The following P2RX1 variants were observed in gnomAD, a reference collection of about 807,000 sequenced individuals.
P2RX1 encodes the protein purinergic receptor P2X 1, also known as P2X purinoceptor 1.
Under a neutral mutation model 50.3 loss-of-function variants are expected in P2RX1, and 42 were observed. The ratio of observed to expected loss-of-function variants is 0.83; its 90% CI spans 0.65 to 1.08. The LOEUF (loss-of-function observed/expected upper bound fraction) is 1.08. Among genes scored for constraint, P2RX1 ranks in the 50% least tolerant of loss-of-function variants. The pLI is 0.00. For missense variants in P2RX1, 449 were observed against 529.0 expected (o/e 0.85, Z 1.48); for synonymous variants, 199 against 202.6 (o/e 0.98, Z 0.15).
At position 3,903,502 on chromosome 17, in the gene P2RX1, G is replaced by C; in HGVS notation, c.605+49C>G. On this transcript the variant is annotated intron_variant, in intron 6 of 11. Coordinates refer to ENST00000225538, the MANE Select transcript of P2RX1 (RefSeq NM_002558.4). The surrounding 1 kb of genome is among the most constrained non-coding windows in gnomAD (Gnocchi z 4.6). ...AGACAGAGACAGCTGAGAGCTGCCG[G>C]AGCGGCCCCGGCCAGCTGCCTGCAT... 1.3e-6 allele frequency: 2 copies of C among 1,598,888 alleles called. No homozygotes were observed. The highest frequency in any genetic ancestry group is 1.7e-6 in the Non-Finnish European group (2 of 1,166,882).
intron 1 of P2RX1, among the ~76,000 whole-genome samples, chr17:3,912,669 A>G (rs1437618203): frequency 1.3e-5 from 2 of 152,118 alleles, no homozygotes; most frequent in Admixed American, 1.3e-4. Flanking sequence ...GACTTTTCTC[A>G]CAGGAACCAA....
Position 3,899,669 on chromosome 17 carries a change from G to A in P2RX1, c.840C>T (p.Tyr280=), listed in dbSNP as rs144076351. Residue 280 remains tyrosine, a synonymous_variant, in exon 8 of 12, where the codon TAC becomes TAT. Transcript: ENST00000225538. ...CRPIYEFHGL[Y]EEKNLSPGFN... ...AGCCTGGGGAGAGATTTTTCTCTTC[G>A]TACAGCCCATGGAACTCATAGATGG... The A allele has an allele frequency of 1.7e-5, 27 of 1,613,680 alleles. No homozygotes were observed. Among genetic ancestry groups the A allele is most frequent in the East Asian group, 2.2e-5 (1 of 44,882 alleles).
chr17:3,902,009 A>G (rs1180348352), intron 7 of P2RX1, among the ~76,000 whole-genome samples: 1 of 152,228 alleles, frequency 6.6e-6, no homozygotes, highest in Non-Finnish European at 1.5e-5. Flanking sequence ...GAACCCGGTC[A>G]GCTAGTTCTG....
rs776151732 is a variant in P2RX1 at position 3,903,610 on chromosome 17, G to A, written c.546C>T (p.Ala182=). 3.9e-5 allele frequency: 63 copies of A among 1,614,020 alleles called. No individual in the cohort carries two copies. Among genetic ancestry groups the A allele is most frequent in the Admixed American group, 3.7e-4 (22 of 60,006 alleles). The part of the protein sequence containing the change: ...DIPRPALLRE[A]ENFTLFIKNS... ...TCTTGATGAAAAGAGTGAAGTTCTCGGCCTCTCGGAGAAGGGCAGGGCTGG... is the reference window on the plus strand; with the variant it reads ...TCTTGATGAAAAGAGTGAAGTTCTCAGCCTCTCGGAGAAGGGCAGGGCTGG... Residue 182 remains alanine (A), a synonymous_variant, in exon 6 of 12, where the codon GCC becomes GCT. Transcript: ENST00000225538. This position sits in a 1 kb window ranked among gnomAD's most constrained non-coding sequence, Gnocchi z 4.6.
chr17:3,899,764 G>A lies in P2RX1; in HGVS notation c.748-3C>T. ...ATGGTGATGCCAACCACTCCACCCTGCCAGGGACACAAGTAGTTAAGATCT... is the reference window on the plus strand; with the variant it reads ...ATGGTGATGCCAACCACTCCACCCTACCAGGGACACAAGTAGTTAAGATCT... On this transcript the variant is annotated splice_polypyrimidine_tract_variant and splice_region_variant and intron_variant, in intron 7 of 11. Coordinates refer to ENST00000225538, the MANE Select transcript of P2RX1 (RefSeq NM_002558.4). 5.6e-6 allele frequency: 9 copies of A among 1,613,238 alleles called. No homozygotes were observed. The highest frequency in any genetic ancestry group is 1.1e-5 in the South Asian group (1 of 91,062).
chr17:3,906,420 C>T (rs552480512), intron 1 of P2RX1, among the ~76,000 whole-genome samples: 15 of 152,322 alleles, frequency 9.8e-5, no homozygotes, highest in Non-Finnish European at 1.6e-4. Context: ...CATGAGCCAC[C>T]GCACCCGGCC....
intron 1 of P2RX1, among the ~76,000 whole-genome samples, chr17:3,913,437 C>G (rs1367270010): frequency 6.6e-6 from 1 of 152,158 alleles, no homozygotes; most frequent in Non-Finnish European, 1.5e-5. Context: ...TTAACTGAGA[C>G]CATCTTAACT....
At position 3,903,874 on chromosome 17, in the gene P2RX1, C is replaced by G; in HGVS notation, c.524+54G>C. ...AAGATCCTTTCTAGACCTAGGCCCC[C>G]CTCTGTCTGGCCTGGGACCCTGTTC... On this transcript the variant is annotated intron_variant, in intron 5 of 11. Coordinates refer to ENST00000225538, the MANE Select transcript of P2RX1 (RefSeq NM_002558.4). This position sits in a 1 kb window ranked among gnomAD's most constrained non-coding sequence, Gnocchi z 4.6. The G allele has an allele frequency of 4.2e-6, 6 of 1,427,640 alleles. No individual in the cohort carries two copies. Among genetic ancestry groups the G allele is most frequent in the South Asian group, 2.3e-5 (2 of 87,262 alleles). 88.4% of individuals were successfully genotyped at this position (1,427,640 alleles called of 1,614,324 possible). A position where few individuals can be genotyped will look rare whatever the true frequency, so the allele number is the denominator to read the frequency against.
In P2RX1 at chr17:3,898,995, G is replaced by T; in HGVS notation, c.905C>A (p.Thr302Asn). The change falls in exon 9 of 12, where the codon ACC becomes AAC. Residue 302 changes from threonine (T) to asparagine (N), a missense_variant. By Grantham distance (65) the Thr-to-Asn change is moderately conservative. Coordinates refer to ENST00000225538, the MANE Select transcript of P2RX1 (RefSeq NM_002558.4). ...CACCTTGAAGAGGTGACGGTAGTTG[G>T]TCCCGTTCTCCACAAAGTGCCTGGC... ...RFARHFVENGTNYRHLFKVFG... is the reference protein window; with the variant it reads ...RFARHFVENGNNYRHLFKVFG... The T allele has an allele frequency of 6.2e-7, 1 of 1,613,410 alleles. No individual in the cohort carries two copies. Among genetic ancestry groups the T allele is most frequent in the Non-Finnish European group, 8.5e-7 (1 of 1,179,800 alleles).
At chr17:3,904,711 T>C in intron 3 of P2RX1, 147 bp downstream of exon 3, 1 of 680,550 alleles carries the variant, frequency 1.5e-6, no homozygotes, top group Non-Finnish European at 2.6e-6. Flanking sequence ...TGACAGTTGC[T>C]GTGTGTGAAT....
At chr17:3,897,912 A>G in intron 11 of P2RX1, 33 bp from the exon 12 acceptor site, 1 of 1,613,348 alleles carries the variant, frequency 6.2e-7, no homozygotes, top group Non-Finnish European at 8.5e-7. Context: ...GGGGGATACA[A>G]GTCAGTGCTG....
intron 1 of P2RX1, among the ~76,000 whole-genome samples, chr17:3,908,969 A>G (rs1180129556): frequency 6.6e-6 from 1 of 152,214 alleles, no homozygotes; most frequent in Non-Finnish European, 1.5e-5. Flanking sequence ...AGGCTCTGCT[A>G]CAAACTCAGC....
At chr17:3,899,089 G>C in intron 8 of P2RX1, 65 bp from the exon 9 acceptor site, 1 of 1,102,278 alleles carries the variant, frequency 9.1e-7, no homozygotes, top group Non-Finnish European at 1.4e-6. Context: ...GGAGTTCTTA[G>C]CGCATCAGGG....
intron 1 of P2RX1, among the ~76,000 whole-genome samples, chr17:3,911,926 C>G (rs1231469266): frequency 6.6e-6 from 1 of 152,144 alleles, no homozygotes; most frequent in South Asian, 2.1e-4. Context: ...GGGGTGGGCA[C>G]GGGACCCGAC....
chr17:3,908,493 C>T (rs543558754), intron 1 of P2RX1, among the ~76,000 whole-genome samples: 3 of 152,250 alleles, frequency 2.0e-5, no homozygotes, highest in African/African-American at 4.8e-5. Flanking sequence ...ACCTCAGAGG[C>T]GGAGGTTGCA....
At position 3,903,356 on chromosome 17, in the gene P2RX1, A is replaced by G; in HGVS notation, c.606-13T>C. The stretch of plus-strand genomic sequence containing the variant: ...CACCAGGTTGCGCCTGTGGGGGTGG[A>G]AGGTGTTGACAGCTGCTGTGTGTCA... On this transcript the variant is annotated splice_polypyrimidine_tract_variant and intron_variant, in intron 6 of 11. Transcript: ENST00000225538. This position sits in a 1 kb window ranked among gnomAD's most constrained non-coding sequence, Gnocchi z 4.6. 1.2e-6 allele frequency: 2 copies of G among 1,613,870 alleles called. No homozygotes were observed. The highest frequency in any genetic ancestry group is 1.7e-6 in the Non-Finnish European group (2 of 1,179,968).
chr17:3,901,276 C>T (rs971343987), intron 7 of P2RX1, among the ~76,000 whole-genome samples: 3 of 152,196 alleles, frequency 2.0e-5, no homozygotes, highest in Non-Finnish European at 4.4e-5. Flanking sequence ...ACCGTGTTAG[C>T]CAGGATGGTC....
At chr17:3,915,352 A>G (rs1457952950) in intron 1 of P2RX1, 2 of 415,836 alleles carry the variant, frequency 4.8e-6, no homozygotes, top group Non-Finnish European at 9.7e-6. Flanking sequence ...ACACCCAGAC[A>G]CATATAGGCA....
At position 3,903,653 on chromosome 17, in the gene P2RX1, C is replaced by A; in HGVS notation, c.525-22G>T. On this transcript the variant is annotated intron_variant, in intron 5 of 11. Transcript: ENST00000225538. The surrounding 1 kb of genome is among the most constrained non-coding windows in gnomAD (Gnocchi z 4.6). ...AGGGCTGGAGGACACCACACGCACT[C>A]ACCGCCCCTCCCCAGGAGGCCCCCT... The A allele has an allele frequency of 6.2e-7, 1 of 1,611,688 alleles. No homozygotes were observed. The highest frequency in any genetic ancestry group is 8.5e-7 in the Non-Finnish European group (1 of 1,178,148).
Sources: allele counts gnomAD v4.1 joint callset (sites outside exome capture counted in the v4.1 genomes callset), GRCh38; gene constraint gnomAD v4.1.1; non-coding constraint Gnocchi (gnomAD v3.1); transcripts MANE v1.5; gene names NCBI Gene and HGNC (gene_info 2026-07-23, HGNC 2026-07-21).